Variants in LRRTM4 observed in about 807,000 individuals in gnomAD.
LRRTM4 encodes leucine-rich repeat transmembrane neuronal protein 4.
A neutral mutation model predicts 47.6 loss-of-function variants in LRRTM4; 25 were observed. That is an observed-to-expected ratio of 0.53 (90% CI 0.38 to 0.73). The LOEUF (loss-of-function observed/expected upper bound fraction) is 0.73. LRRTM4 is among the 30% of genes least tolerant of loss of function. The probability of loss-of-function intolerance (pLI) is 0.00; values close to 1 mark genes in which losing one functional copy is unlikely to be tolerated. For missense variants in LRRTM4, 638 were observed against 713.4 expected, an observed-to-expected ratio of 0.89 and a Z score of 1.20; for synonymous variants, 311 against 269.5, an observed-to-expected ratio of 1.15 and a Z score of -1.51.
chr2:76,842,451 T>C (rs190512134), intron 3 of LRRTM4, among the ~76,000 whole-genome samples: 361 of 152,360 alleles, frequency 2.4e-3, no homozygotes, highest in Admixed American at 0.01. Context: ...TGATTTCCAT[T>C]GTATATTGAA....
chr2:77,442,302 C>A (rs561449336), intron 3 of LRRTM4, among the ~76,000 whole-genome samples: 9 of 152,196 alleles, frequency 5.9e-5, no homozygotes, highest in African/African-American at 2.2e-4. Context: ...AAGAAAGCAT[C>A]ATGTATTTTC....
chr2:77,249,043 A>C (rs528633032), intron 3 of LRRTM4, among the ~76,000 whole-genome samples: 1 of 152,126 alleles, frequency 6.6e-6, no homozygotes, highest in Admixed American at 6.6e-5. Flanking sequence ...GATAAACTGA[A>C]ATTCATTAAA....
At chr2:77,176,052 T>C (rs1321174638) in intron 3 of LRRTM4, among the ~76,000 whole-genome samples, 6 of 152,058 alleles carry the variant, frequency 3.9e-5, no homozygotes, top group African/African-American at 1.4e-4. Context: ...CTTGGGTTGA[T>C]ATAATTCATT....
At chr2:77,209,623 C>A (rs536771029) in intron 3 of LRRTM4, among the ~76,000 whole-genome samples, 2 of 152,184 alleles carry the variant, frequency 1.3e-5, no homozygotes, top group South Asian at 4.2e-4. Flanking sequence ...TGTCAACCTG[C>A]CCATATACCT....
chr2:76,916,835 C>T (rs1674269514), intron 3 of LRRTM4, among the ~76,000 whole-genome samples: 1 of 152,208 alleles, frequency 6.6e-6, no homozygotes, highest in Non-Finnish European at 1.5e-5. Context: ...TCTTAGCAGG[C>T]AAATTCATCT....
chr2:77,291,371 T>C (rs1676817862), intron 3 of LRRTM4, among the ~76,000 whole-genome samples: 1 of 152,126 alleles, frequency 6.6e-6, no homozygotes, highest in South Asian at 2.1e-4. Context: ...TTAGTATTAA[T>C]TTAAACTACT....
chr2:76,919,947 T>C (rs1478480217), intron 3 of LRRTM4, among the ~76,000 whole-genome samples: 1 of 152,134 alleles, frequency 6.6e-6, no homozygotes, highest in African/African-American at 2.4e-5. Flanking sequence ...TCGGAAGACA[T>C]TCTCATAATC....
chr2:77,423,870 A>G (rs1292037434), intron 3 of LRRTM4, among the ~76,000 whole-genome samples: 1 of 152,220 alleles, frequency 6.6e-6, no homozygotes, highest in Non-Finnish European at 1.5e-5. Context: ...GGGTTCAGGA[A>G]TCCCAAAGTG....
intron 3 of LRRTM4, among the ~76,000 whole-genome samples, chr2:76,824,848 G>A (rs1365813041): frequency 6.6e-6 from 1 of 151,574 alleles, no homozygotes; most frequent in East Asian, 1.9e-4. Flanking sequence ...GAAAGCACAG[G>A]ATGGAACTCT....
At chr2:77,508,693 G>A (rs1678867859) in intron 3 of LRRTM4, among the ~76,000 whole-genome samples, 1 of 151,878 alleles carries the variant, frequency 6.6e-6, no homozygotes, top group African/African-American at 2.4e-5. Context: ...ATTACACTAT[G>A]GGGACAATAA....
At chr2:76,773,396 T>A (rs1426015068) in intron 3 of LRRTM4, among the ~76,000 whole-genome samples, 3 of 152,226 alleles carry the variant, frequency 2.0e-5, no homozygotes, top group Non-Finnish European at 2.9e-5. Flanking sequence ...AAACTCTTTC[T>A]TGCCATTTAA....
chr2:77,177,671 T>C (rs1450005454), intron 3 of LRRTM4, among the ~76,000 whole-genome samples: 1 of 152,160 alleles, frequency 6.6e-6, no homozygotes, highest in African/African-American at 2.4e-5. Flanking sequence ...CTAAATAATT[T>C]TCATGATTGG....
intron 3 of LRRTM4, among the ~76,000 whole-genome samples, chr2:77,455,771 A>G (rs1273889640): frequency 1.3e-5 from 2 of 151,922 alleles, no homozygotes; most frequent in Non-Finnish European, 2.9e-5. Context: ...ATCACTTCAC[A>G]TTAGCCTTCT....
intron 3 of LRRTM4, among the ~76,000 whole-genome samples, chr2:76,922,977 A>G (rs1219442224): frequency 2.0e-5 from 3 of 152,094 alleles, no homozygotes; most frequent in Admixed American, 2.0e-4. Context: ...GGTACTATTA[A>G]TTTACTATAA....
chr2:76,949,934 A>G (rs1450968506), intron 3 of LRRTM4, among the ~76,000 whole-genome samples: 1 of 151,970 alleles, frequency 6.6e-6, no homozygotes, highest in Non-Finnish European at 1.5e-5. Flanking sequence ...CCATGAGAAA[A>G]GCAAAATGCA....
chr2:76,950,406 C>G (rs1675457623), intron 3 of LRRTM4, among the ~76,000 whole-genome samples: 1 of 151,894 alleles, frequency 6.6e-6, no homozygotes, highest in East Asian at 1.9e-4. Context: ...AAGCATATGT[C>G]AGAAAATCAT....
Position 76,956,816 on chromosome 2 carries a change from T to C in LRRTM4, c.1552-207900A>G, listed in dbSNP as rs534073022. 4.6e-5 allele frequency among the ~76,000 whole-genome samples: 7 copies of C among 151,268 alleles called. No individual in the cohort carries two copies. The South Asian group carries it at 1.5e-3, about 32-fold the overall frequency. ...TTTCAAGAGATTACTATGAAAAATT[T>C]TGTGAAAAATTTGAATAATCTAAAA... On this transcript the variant is annotated intron_variant, in intron 3 of 3. Coordinates refer to ENST00000409884, the MANE Select transcript of LRRTM4 (RefSeq NM_001134745.3).
rs575205948 is a variant in LRRTM4 at position 77,386,343 on chromosome 2, T to C, written c.1551+131975A>G. ...AAGTTAATTACATAAGTCAAGTATA[T>C]CTAATAAGTGAATAAAACAAAGAGA... On this transcript the variant is annotated intron_variant, in intron 3 of 3. Transcript: ENST00000409884. Among the ~76,000 whole-genome samples, 547 of 152,240 alleles carry C rather than the reference T, an allele frequency of 3.6e-3. 3 individuals carry two copies. The highest frequency in any genetic ancestry group is 5.6e-3 in the Non-Finnish European group (378 of 68,020).
chr2:77,310,217 A>T (rs1677414079), intron 3 of LRRTM4, among the ~76,000 whole-genome samples: 1 of 152,236 alleles, frequency 6.6e-6, no homozygotes, highest in African/African-American at 2.4e-5. Context: ...AAATACCATA[A>T]TGTTGACAAT....
Sources: gnomAD v4.1 joint callset for allele counts (sites outside exome capture counted in the v4.1 genomes callset) on GRCh38, gnomAD v4.1.1 for gene constraint, MANE v1.5 for transcripts, NCBI Gene and HGNC (gene_info 2026-07-23, HGNC 2026-07-21) for gene names.